The following PTGFRN variants were observed in gnomAD, a reference collection of about 807,000 sequenced individuals.
The protein encoded by PTGFRN is prostaglandin F2 receptor inhibitor.
In PTGFRN, 35 loss-of-function variants were observed where a neutral mutation model predicts 83.2. That is an observed-to-expected ratio of 0.42 (90% CI 0.32 to 0.56). The LOEUF is 0.56. PTGFRN is among the 20% of genes least tolerant of loss of function. PTGFRN has a pLI of 0.11. For missense variants in PTGFRN, 1,051 were observed against 1,179.5 expected (o/e 0.89, Z 1.60); for synonymous variants, 519 against 498.6 (o/e 1.04, Z -0.55).
chr1:116,937,476 G>A (rs1310143970), intron 1 of PTGFRN, among the ~76,000 whole-genome samples: 1 of 152,228 alleles, frequency 6.6e-6, no homozygotes, highest in East Asian at 1.9e-4. Context: ...CAGCACTGGG[G>A]GTGGCTGATG....
intron 1 of PTGFRN, among the ~76,000 whole-genome samples, chr1:116,929,334 A>G (rs565286535): frequency 3.3e-5 from 5 of 152,230 alleles, no homozygotes; most frequent in East Asian, 1.9e-4. Flanking sequence ...AACTTCCCCC[A>G]TGCTGGTGTC....
In PTGFRN at chr1:116,918,175, C is replaced by T. The variant is rs1570643194; in HGVS notation, c.49+7923C>T. Among the ~76,000 whole-genome samples the T allele has an allele frequency of 6.6e-6, 1 of 152,226 alleles. No homozygotes were observed. The highest frequency in any genetic ancestry group is 2.1e-4 in the South Asian group (1 of 4,818). On this transcript the variant is annotated intron_variant, in intron 1 of 8. Coordinates refer to ENST00000393203, the MANE Select transcript of PTGFRN (RefSeq NM_020440.4). This position sits in a 1 kb window ranked among gnomAD's most constrained non-coding sequence, Gnocchi z 4.1. ...TTAAAATCTACTTCTGTTCTTTATA[C>T]CCTTCCAGCCTTACTTCATCTCCCA... is the stretch of plus-strand genomic sequence containing the variant.
chr1:116,927,525 C>CTTTTTTTTTTTTTTTTTT, intron 1 of PTGFRN, among the ~76,000 whole-genome samples: 1 of 124,418 alleles, frequency 8.0e-6, no homozygotes, highest in African/African-American at 3.9e-5. Context: ...CCTTGCTTAC[C>CTTTTTTTTTTTTTTTTTT]TTTTTTTTTT....
chr1:116,957,993 C>G (rs1650545081), intron 4 of PTGFRN, among the ~76,000 whole-genome samples: 1 of 151,708 alleles, frequency 6.6e-6, no homozygotes, highest in Admixed American at 6.6e-5. Flanking sequence ...GTATATATAC[C>G]ATATTTTTTT....
chr1:116,953,540 C>T (rs1209823738), intron 4 of PTGFRN, among the ~76,000 whole-genome samples: 3 of 151,686 alleles, frequency 2.0e-5, no homozygotes, highest in Non-Finnish European at 4.4e-5. Flanking sequence ...GTGCTTAGTA[C>T]AGTGCCTGGC....
chr1:116,931,068 C>T (rs1649786215), intron 1 of PTGFRN, among the ~76,000 whole-genome samples: 1 of 152,202 alleles, frequency 6.6e-6, no homozygotes, highest in African/African-American at 2.4e-5. Flanking sequence ...ACAGGTTGAG[C>T]ATCCTTAATT....
At chr1:116,911,992 G>C (rs1377374482) in intron 1 of PTGFRN, among the ~76,000 whole-genome samples, 1 of 152,212 alleles carries the variant, frequency 6.6e-6, no homozygotes, top group African/African-American at 2.4e-5. Flanking sequence ...TTTGTAGTCT[G>C]TGTGAATAAC....
In PTGFRN at chr1:116,967,301, A is replaced by G; in HGVS notation, c.2030A>G (p.Asn677Ser). Residue 677 changes from asparagine (N) to serine (S), a missense_variant, in exon 6 of 9, where the codon AAT becomes AGT. Asn to Ser is a conservative substitution (Grantham distance 46). Coordinates refer to ENST00000393203, the MANE Select transcript of PTGFRN (RefSeq NM_020440.4). Reference sequence around the variant, plus strand: ...CGAGAAGCAGCAACCAGTCTCTCCAATCCTATTGAGATAGACTTCCAAACC... The same window carrying G: ...CGAGAAGCAGCAACCAGTCTCTCCAGTCCTATTGAGATAGACTTCCAAACC... ...LWREAATSLS[N>S]PIEIDFQTSG... The G allele has an allele frequency of 1.2e-6, 2 of 1,613,262 alleles. No homozygotes were observed. Among genetic ancestry groups the G allele is most frequent in the East Asian group, 2.2e-5 (1 of 44,864 alleles).
Position 116,966,146 on chromosome 1 carries a change from G to A in PTGFRN, c.1640-765G>A, listed in dbSNP as rs376648970. On this transcript the variant is annotated intron_variant, in intron 5 of 8. Transcript: ENST00000393203. ...ACAAATATTTAAGCACCTTCCAAGT[G>A]CCTGACGTTGTGCTACTATAATAGA... 9.8e-5 allele frequency among the ~76,000 whole-genome samples: 15 copies of A among 152,342 alleles called. No homozygotes were observed. In the East Asian group the frequency reaches 1.2e-3, roughly 12 times the overall value.
intron 1 of PTGFRN, among the ~76,000 whole-genome samples, chr1:116,932,244 C>T (rs563269508): frequency 6.6e-6 from 1 of 152,192 alleles, no homozygotes; most frequent in Admixed American, 6.5e-5. Flanking sequence ...TTAATGATTC[C>T]TCATGGTTGG....
intron 7 of PTGFRN, among the ~76,000 whole-genome samples, chr1:116,978,474 T>C (rs1215830661): frequency 6.6e-6 from 1 of 152,160 alleles, no homozygotes; most frequent in Non-Finnish European, 1.5e-5. Context: ...AAATCCTCAA[T>C]AAAATACTGG....
chr1:116,924,080 G>C (rs1251358736), intron 1 of PTGFRN, among the ~76,000 whole-genome samples: 1 of 151,814 alleles, frequency 6.6e-6, no homozygotes, highest in Non-Finnish European at 1.5e-5. Flanking sequence ...TGCAGAAAAG[G>C]TAAGTATGAT....
intron 1 of PTGFRN, among the ~76,000 whole-genome samples, chr1:116,919,036 G>A (rs1649475505): frequency 6.6e-6 from 1 of 152,198 alleles, no homozygotes; most frequent in Admixed American, 6.5e-5. Flanking sequence ...AGTAGGAGGT[G>A]AGGATCAAGA....
Position 116,942,069 on chromosome 1 carries a change from C to G in PTGFRN, c.404C>G (p.Thr135Arg). 1 of 1,613,310 alleles carries G rather than the reference C, an allele frequency of 6.2e-7. No homozygotes were observed. The highest frequency in any genetic ancestry group is 8.5e-7 in the Non-Finnish European group (1 of 1,179,454). The change falls in exon 2 of 9, where the codon ACA becomes AGA. Residue 135 changes from threonine (T) to arginine (R), a missense_variant. Transcript: ENST00000393203. The part of the protein sequence containing the change: ...DATVQGNYED[T>R]VQVKVLADSL... ...ACTGTCCAGGGAAACTATGAGGACA[C>G]AGTGCAGGTTAAAGGTACAGTCCTC...
In PTGFRN at chr1:116,920,350, C is replaced by T. The variant is rs561711533; in HGVS notation, c.49+10098C>T. Among the ~76,000 whole-genome samples, 12 of 152,334 alleles carry T rather than the reference C, an allele frequency of 7.9e-5. No homozygotes were observed. The South Asian group carries it at 8.3e-4, about 11-fold the overall frequency. ...GCCATTTCTAGATGACAGACTGTTT[C>T]GTATCATTACCAATTTTCTTTTATG... On this transcript the variant is annotated intron_variant, in intron 1 of 8. Transcript: ENST00000393203.
At chr1:116,954,834 G>T (rs999629503) in intron 4 of PTGFRN, among the ~76,000 whole-genome samples, 23 of 152,332 alleles carry the variant, frequency 1.5e-4, no homozygotes, top group African/African-American at 5.5e-4. Context: ...CATGAAAATA[G>T]TACCAATCTT....
At chr1:116,924,718 T>A (rs1649613424) in intron 1 of PTGFRN, among the ~76,000 whole-genome samples, 1 of 152,232 alleles carries the variant, frequency 6.6e-6, no homozygotes, top group African/African-American at 2.4e-5. Context: ...GAAAATTCAC[T>A]GATGAAGGGC....
chr1:116,985,570 G>A (rs1651447196), intron 8 of PTGFRN, among the ~76,000 whole-genome samples: 1 of 152,124 alleles, frequency 6.6e-6, no homozygotes, highest in Non-Finnish European at 1.5e-5. Context: ...TTAGCCAGGA[G>A]TGGTGGCGGG....
intron 1 of PTGFRN, among the ~76,000 whole-genome samples, chr1:116,913,731 C>T (rs1473012570): frequency 4.6e-5 from 7 of 152,134 alleles, no homozygotes; most frequent in Admixed American, 4.6e-4. Flanking sequence ...TATTGGCTGA[C>T]TGAATACTTA....
Sources: gnomAD v4.1 joint callset for allele counts (sites outside exome capture counted in the v4.1 genomes callset) on GRCh38, gnomAD v4.1.1 for gene constraint, Gnocchi (gnomAD v3.1) non-coding constraint, MANE v1.5 for transcripts, NCBI Gene and HGNC (gene_info 2026-07-23, HGNC 2026-07-21) for gene names.